DTNBP1: variants seen among roughly 807,000 people sequenced by gnomAD.
DTNBP1 encodes dysbindin.
In DTNBP1, 35 loss-of-function variants were observed where a neutral mutation model predicts 42.8. The ratio of observed to expected loss-of-function variants is 0.82; its 90% CI spans 0.63 to 1.09. The LOEUF is 1.09. Among genes scored for constraint, DTNBP1 ranks in the 50% least tolerant of loss-of-function variants. The probability of loss-of-function intolerance (pLI) is 0.00; values close to 1 mark genes in which losing one functional copy is unlikely to be tolerated. For synonymous variants in DTNBP1, 171 were observed against 162.2 expected, an observed-to-expected ratio of 1.05 and a Z score of -0.41; for missense variants, 457 against 424.2, an observed-to-expected ratio of 1.08 and a Z score of -0.68.
intron 1 of DTNBP1, among the ~76,000 whole-genome samples, chr6:15,656,486 G>A (rs571473932): frequency 6.6e-5 from 10 of 152,130 alleles, no homozygotes; most frequent in Non-Finnish European, 1.3e-4. Flanking sequence ...TAAAATGGGG[G>A]CTTCTTACTG....
At chr6:15,548,726 A>G (rs2113399331) in intron 7 of DTNBP1, among the ~76,000 whole-genome samples, 1 of 152,356 alleles carries the variant, frequency 6.6e-6, no homozygotes, top group South Asian at 2.1e-4. Flanking sequence ...AAACTCATAT[A>G]AAGAAATTTT....
chr6:15,557,159 C>T (rs1774572048), intron 7 of DTNBP1, among the ~76,000 whole-genome samples: 1 of 151,806 alleles, frequency 6.6e-6, no homozygotes, highest in African/African-American at 2.4e-5. Context: ...GTAACTGAGA[C>T]TACTGGCTAA....
chr6:15,612,979 GC>G (rs1758497884), intron 6 of DTNBP1, among the ~76,000 whole-genome samples: 1 of 152,046 alleles, frequency 6.6e-6, no homozygotes, highest in African/African-American at 2.4e-5. Flanking sequence ...GTCTGGAAAT[GC>G]CCTGGGTCAC....
intron 6 of DTNBP1, among the ~76,000 whole-genome samples, chr6:15,611,489 T>C (rs1044579292): frequency 1.3e-5 from 2 of 152,198 alleles, no homozygotes; most frequent in African/African-American, 4.8e-5. Context: ...CATTTCAACT[T>C]TCAAGTCTTA....
intron 7 of DTNBP1, 86 bp downstream of exon 7, chr6:15,592,973 A>G: frequency 1.5e-6 from 2 of 1,315,140 alleles, no homozygotes; most frequent in Non-Finnish European, 2.1e-6. Context: ...GATTTTAAAA[A>G]ATGAGTTTGT....
rs1359751743 is a variant in DTNBP1 at position 15,663,021 on chromosome 6, G to A, written c.-152C>T. The A allele has an allele frequency of 3.6e-6, 4 of 1,103,232 alleles. No homozygotes were observed. The highest frequency in any genetic ancestry group is 5.1e-6 in the Non-Finnish European group (4 of 778,558). 68.3% of individuals were successfully genotyped at this position (1,103,232 alleles called of 1,614,324 possible). ...CCGGTCTGGTCCTCGCCGCCGCGCC[G>A]CAACCCCAGCCCCTTCCGCGTTCCC... is the stretch of plus-strand genomic sequence containing the variant. On this transcript the variant is annotated 5_prime_UTR_variant, in exon 1 of 10. Transcript: ENST00000344537.
intron 7 of DTNBP1, chr6:15,545,952 G>A (rs1773843996): frequency 2.6e-6 from 1 of 387,604 alleles, no homozygotes; most frequent in Non-Finnish European, 5.1e-6. Context: ...GCTCAGGCAG[G>A]CGGGTCTCAG....
At chr6:15,532,236 C>T (rs1315043054) in intron 8 of DTNBP1, among the ~76,000 whole-genome samples, 1 of 152,248 alleles carries the variant, frequency 6.6e-6, no homozygotes, top group African/African-American at 2.4e-5. Flanking sequence ...CTGCCCAGTG[C>T]CGCTGCCCTG....
At chr6:15,554,154 T>C in intron 7 of DTNBP1, among the ~76,000 whole-genome samples, 1 of 152,244 alleles carries the variant, frequency 6.6e-6, no homozygotes, top group East Asian at 1.9e-4. Context: ...AGCATGCAAA[T>C]ACATCAAGTT....
At chr6:15,636,022 T>A (rs541024441) in intron 4 of DTNBP1, among the ~76,000 whole-genome samples, 28 of 152,194 alleles carry the variant, frequency 1.8e-4, no homozygotes, top group Non-Finnish European at 3.2e-4. Context: ...TTTACTTGTG[T>A]GATTGCTAAC....
chr6:15,656,871 T>C (rs114971426), intron 1 of DTNBP1, among the ~76,000 whole-genome samples: 1,894 of 152,348 alleles, frequency 0.012, 39 homozygotes, highest in African/African-American at 0.042. Context: ...CATTTACTTG[T>C]AACTCAATTT....
Position 15,587,751 on chromosome 6 carries a change from T to C in DTNBP1, c.511+5308A>G, listed in dbSNP as rs1489068644. Among the ~76,000 whole-genome samples, 2 of 152,108 alleles carry C rather than the reference T, an allele frequency of 1.3e-5. No individual in the cohort carries two copies. The highest frequency in any genetic ancestry group is 6.6e-5 in the Admixed American group (1 of 15,260). On this transcript the variant is annotated intron_variant, in intron 7 of 9. Coordinates refer to ENST00000344537, the MANE Select transcript of DTNBP1 (RefSeq NM_032122.5). The surrounding 1 kb of genome is among the most constrained non-coding windows in gnomAD (Gnocchi z 4.1). ...TGGTTCTGAGACAACTGAATATCGA[T>C]ACGTAAAAAAATGAAGGTAGACTTT...
intron 9 of DTNBP1, 37 bp from the exon 10 acceptor site, chr6:15,523,256 A>C: frequency 6.2e-7 from 1 of 1,612,868 alleles, no homozygotes; most frequent in Non-Finnish European, 8.5e-7. Flanking sequence ...GCCCTGTCAT[A>C]AAAATATTGT....
At chr6:15,524,947 G>A (rs921918453) in intron 8 of DTNBP1, among the ~76,000 whole-genome samples, 1 of 152,212 alleles carries the variant, frequency 6.6e-6, no homozygotes, top group African/African-American at 2.4e-5. Context: ...GTGAGTCCCG[G>A]CTGTTTTGAG....
intron 6 of DTNBP1, among the ~76,000 whole-genome samples, chr6:15,597,014 AT>A (rs1041636904): frequency 6.6e-5 from 10 of 152,042 alleles, no homozygotes; most frequent in African/African-American, 2.4e-4. Context: ...ATAAATATCC[AT>A]TTTCGTATAC....
At chr6:15,585,523 T>C (rs535275134) in intron 7 of DTNBP1, among the ~76,000 whole-genome samples, 3 of 152,092 alleles carry the variant, frequency 2.0e-5, no homozygotes, top group Non-Finnish European at 1.5e-5. Context: ...TTATTACTTG[T>C]TGGTAATAGA....
intron 5 of DTNBP1, among the ~76,000 whole-genome samples, chr6:15,620,612 A>C (rs945612203): frequency 2.0e-5 from 3 of 152,250 alleles, no homozygotes; most frequent in African/African-American, 7.2e-5. Context: ...CATGGTCTTA[A>C]AATGTATAAA....
At chr6:15,545,611 G>A (rs1432253884) in intron 7 of DTNBP1, among the ~76,000 whole-genome samples, 1 of 152,094 alleles carries the variant, frequency 6.6e-6, no homozygotes, top group Non-Finnish European at 1.5e-5. Context: ...TTTGCAGATA[G>A]TCAGAATAAA....
chr6:15,649,977 C>T (rs894040551), intron 3 of DTNBP1, among the ~76,000 whole-genome samples: 3 of 152,176 alleles, frequency 2.0e-5, no homozygotes, highest in Non-Finnish European at 4.4e-5. Flanking sequence ...TACTACACTT[C>T]CTTTCATGTT....
Sources: gnomAD v4.1 joint callset for allele counts (sites outside exome capture counted in the v4.1 genomes callset) on GRCh38, gnomAD v4.1.1 for gene constraint, Gnocchi (gnomAD v3.1) non-coding constraint, MANE v1.5 for transcripts, NCBI Gene and HGNC (gene_info 2026-07-23, HGNC 2026-07-21) for gene names.